ZNF90: variants seen among roughly 807,000 people sequenced by gnomAD.
The protein encoded by ZNF90 is zinc finger protein 90.
A neutral mutation model predicts 12.0 loss-of-function variants in ZNF90; 11 were observed. The observed-to-expected ratio is 0.92, with a 90% CI of 0.58 to 1.52. ZNF90 has a LOEUF of 1.52. Ranked by LOEUF, ZNF90 falls within the 40% of genes most tolerant of loss-of-function variation. ZNF90 has a pLI of 0.00. For synonymous variants in ZNF90, 232 were observed against 240.1 expected (o/e 0.97, Z 0.31); for missense variants, 765 against 711.5 (o/e 1.08, Z -0.86).
intron 2 of ZNF90, 80 bp downstream of exon 2, chr19:20,104,445 A>T (rs185262604): frequency 3.4e-6 from 5 of 1,488,082 alleles, no homozygotes; most frequent in East Asian, 2.3e-5. Flanking sequence ...ATTTTTAGTA[A>T]TGTATTGTTT....
At chr19:20,110,454 A>G (rs1555704972) in intron 3 of ZNF90, among the ~76,000 whole-genome samples, 1 of 151,768 alleles carries the variant, frequency 6.6e-6, no homozygotes, top group Non-Finnish European at 1.5e-5. Flanking sequence ...GATTTTTTGT[A>G]TTTTTGGTAG....
At chr19:20,085,715 A>G (rs112225134) in intron 1 of ZNF90, among the ~76,000 whole-genome samples, 3 of 152,292 alleles carry the variant, frequency 2.0e-5, no homozygotes, top group African/African-American at 7.2e-5. Flanking sequence ...TGTTTTTGCT[A>G]TTCCCTCTTT....
chr19:20,110,227 A>G (rs1166943064), intron 3 of ZNF90, among the ~76,000 whole-genome samples: 3 of 152,154 alleles, frequency 2.0e-5, no homozygotes, highest in African/African-American at 4.8e-5. Flanking sequence ...GTGAATACAT[A>G]TACAATAAAC....
At chr19:20,116,626 TA>T (rs2089139219) in intron 3 of ZNF90, among the ~76,000 whole-genome samples, 1 of 152,206 alleles carries the variant, frequency 6.6e-6, no homozygotes, top group Non-Finnish European at 1.5e-5. Context: ...ACAATCTTTT[TA>T]TAATATAGCT....
chr19:20,113,512 T>C (rs529284023), intron 3 of ZNF90, among the ~76,000 whole-genome samples: 39 of 151,840 alleles, frequency 2.6e-4, no homozygotes, highest in Admixed American at 9.8e-4. Flanking sequence ...TTTTTAATCC[T>C]GTCTAGGTGA....
intron 1 of ZNF90, among the ~76,000 whole-genome samples, chr19:20,095,439 A>G (rs1244892873): frequency 1.3e-5 from 2 of 152,024 alleles, no homozygotes; most frequent in African/African-American, 4.8e-5. Flanking sequence ...CACAGGCTAA[A>G]GGAGAAGGAG....
chr19:20,102,380 A>T (rs2088996548), intron 1 of ZNF90, among the ~76,000 whole-genome samples: 2 of 152,118 alleles, frequency 1.3e-5, no homozygotes, highest in South Asian at 4.2e-4. Flanking sequence ...TCTGGCTCTT[A>T]CCATTGCTCT....
At chr19:20,102,886 G>A (rs574423777) in intron 1 of ZNF90, among the ~76,000 whole-genome samples, 27 of 152,288 alleles carry the variant, frequency 1.8e-4, no homozygotes, top group African/African-American at 6.3e-4. Flanking sequence ...GCTAAATGAC[G>A]CCTACTTAAA....
intron 3 of ZNF90, among the ~76,000 whole-genome samples, chr19:20,115,935 G>A (rs1000170067): frequency 2.0e-5 from 3 of 152,116 alleles, no homozygotes; most frequent in Non-Finnish European, 4.4e-5. Flanking sequence ...AAGCAGTGGT[G>A]CAATCTCGGC....
chr19:20,112,979 T>C (rs918601483), intron 3 of ZNF90, among the ~76,000 whole-genome samples: 2 of 152,188 alleles, frequency 1.3e-5, no homozygotes, highest in African/African-American at 2.4e-5. Context: ...AATTGTGGTT[T>C]GATTTTTTTG....
In ZNF90 at chr19:20,119,134, A is replaced by T; in HGVS notation, c.1580A>T (p.His527Leu). 1 of 1,613,304 alleles carries T rather than the reference A, an allele frequency of 6.2e-7. No homozygotes were observed. Among genetic ancestry groups the T allele is most frequent in the South Asian group, 1.1e-5 (1 of 90,990 alleles). The part of the protein sequence containing the change: ...AFKRSSVLSK[H>L]KIIHTGAKPY... ...AAGCGCTCCTCAGTCCTTAGTAAAC[A>T]TAAGATAATTCATACTGGAGCGAAA... is the stretch of plus-strand genomic sequence containing the variant. Residue 527 changes from histidine (H) to leucine (L), a missense_variant, in exon 4 of 4, where the codon CAT (histidine) becomes CTT (leucine). Physicochemically the swap from His to Leu is moderately conservative, Grantham distance 99. Transcript: ENST00000418063.
chr19:20,101,589 C>T (rs1555703906), intron 1 of ZNF90, among the ~76,000 whole-genome samples: 1 of 152,190 alleles, frequency 6.6e-6, no homozygotes, highest in Non-Finnish European at 1.5e-5. Flanking sequence ...TGAATCTCTT[C>T]TATTTTAAAG....
intron 1 of ZNF90, among the ~76,000 whole-genome samples, chr19:20,088,775 T>C (rs769750871): frequency 3.0e-4 from 45 of 152,282 alleles, no homozygotes; most frequent in Non-Finnish European, 5.7e-4. Flanking sequence ...AGAGAAGTCA[T>C]TACACAGGCT....
chr19:20,105,440 T>C (rs186636106), intron 3 of ZNF90, 124 bp downstream of exon 3: 1 of 766,724 alleles, frequency 1.3e-6, no homozygotes, highest in Non-Finnish European at 2.1e-6. Flanking sequence ...TTCCTGGGAT[T>C]CTGTTTTTTG....
At chr19:20,108,700 A>G (rs1349984909) in intron 3 of ZNF90, among the ~76,000 whole-genome samples, 1 of 144,218 alleles carries the variant, frequency 6.9e-6, no homozygotes, top group African/African-American at 2.6e-5. Context: ...TTGTAGTTCT[A>G]TATTAGTGTG....
rs782451759 is a variant in ZNF90 at position 20,118,644 on chromosome 19, A to G, written c.1090A>G (p.Thr364Ala). 1 of 1,568,772 alleles carries G rather than the reference A, an allele frequency of 6.4e-7. No individual in the cohort carries two copies. The highest frequency in any genetic ancestry group is 1.2e-5 in the South Asian group (1 of 85,252). ...LVLRTHKRIHTGEKPYKCDKC... is the reference protein window; with the variant it reads ...LVLRTHKRIHAGEKPYKCDKC... ...CCTTCGTACACATAAGAGAATTCAT[A>G]CTGGAGAGAAACCCTACAAGTGTGA... The change falls in exon 4 of 4, where the codon ACT becomes GCT. Residue 364 changes from threonine (T) to alanine (A), a missense_variant. By Grantham distance (58) the Thr-to-Ala change is moderately conservative. Transcript: ENST00000418063.
In ZNF90 at chr19:20,119,197, G is replaced by C. The variant is rs569937981; in HGVS notation, c.1643G>C (p.Arg548Pro). 1 of 1,612,984 alleles carries C rather than the reference G, an allele frequency of 6.2e-7. No homozygotes were observed. The highest frequency in any genetic ancestry group is 8.5e-7 in the Non-Finnish European group (1 of 1,179,710). Residue 548 changes from arginine to proline, a missense_variant, in exon 4 of 4, where the codon CGC (arginine) becomes CCC (proline). Arg to Pro is a moderately radical substitution (Grantham distance 103, BLOSUM62 -2). Coordinates refer to ENST00000418063, the MANE Select transcript of ZNF90 (RefSeq NM_007138.2). The part of the protein sequence containing the change: ...KCEECGKAFK[R>P]SSQLTSHKIS... The stretch of plus-strand genomic sequence containing the variant: ...GAAGAATGTGGCAAAGCCTTTAAGC[G>C]CTCCTCACAGCTTACTAGTCATAAG...
At chr19:20,110,684 C>T (rs782293475) in intron 3 of ZNF90, among the ~76,000 whole-genome samples, 7 of 152,142 alleles carry the variant, frequency 4.6e-5, no homozygotes, top group Non-Finnish European at 8.8e-5. Flanking sequence ...ATTGCATCAT[C>T]AAGAGATTCG....
chr19:20,097,596 C>T (rs1349115117), intron 1 of ZNF90, among the ~76,000 whole-genome samples: 1 of 152,156 alleles, frequency 6.6e-6, no homozygotes, highest in African/African-American at 2.4e-5. Context: ...AAGAGATTCT[C>T]CACTTTCTTC....
Sources: gnomAD v4.1 joint callset for allele counts (sites outside exome capture counted in the v4.1 genomes callset) on GRCh38, gnomAD v4.1.1 for gene constraint, MANE v1.5 for transcripts, NCBI Gene and HGNC (gene_info 2026-07-23, HGNC 2026-07-21) for gene names.